The following NAALADL2 variants were observed in gnomAD, a reference collection of about 807,000 sequenced individuals.
NAALADL2 encodes the protein N-acetylated alpha-linked acidic dipeptidase like 2, also known as inactive N-acetylated-alpha-linked acidic dipeptidase-like protein 2.
NAALADL2 carries 76 observed loss-of-function variants against 87.2 expected under a neutral mutation model. That is an observed-to-expected ratio of 0.87 (90% CI 0.72 to 1.05). NAALADL2 has a LOEUF of 1.05. NAALADL2 is among the 50% of genes least tolerant of loss of function. The probability of loss-of-function intolerance (pLI) is 0.00; values close to 1 mark genes in which losing one functional copy is unlikely to be tolerated. For synonymous variants in NAALADL2, 354 were observed against 331.0 expected (o/e 1.07, Z -0.75); for missense variants, 1,089 against 945.8 (o/e 1.15, Z -1.99).
At chr3:175,044,342 TTC>T (rs1005918380) in intron 1 of NAALADL2, among the ~76,000 whole-genome samples, 1 of 152,130 alleles carries the variant, frequency 6.6e-6, no homozygotes. Flanking sequence ...TTGAAATCAT[TTC>T]TCTCTCTCAT....
chr3:174,785,088 G>A (rs533260570), intron 3 of NAALADL2, among the ~76,000 whole-genome samples: 4 of 152,052 alleles, frequency 2.6e-5, no homozygotes, highest in Admixed American at 6.6e-5. Context: ...GGTATATTGC[G>A]TGATGCTGAG....
intron 3 of NAALADL2, among the ~76,000 whole-genome samples, chr3:174,767,649 A>G (rs577839926): frequency 6.6e-6 from 1 of 152,316 alleles, no homozygotes; most frequent in East Asian, 1.9e-4. Flanking sequence ...ATTTACGTAC[A>G]AGAGACAGTG....
intron 2 of NAALADL2, among the ~76,000 whole-genome samples, chr3:175,099,258 G>T (rs1032525301): frequency 6.6e-6 from 1 of 152,100 alleles, no homozygotes; most frequent in African/African-American, 2.4e-5. Flanking sequence ...GAAGCTGCAT[G>T]ATGGTAAGGA....
rs71300440 is a variant in NAALADL2, at chr3:174,787,576, CATATATATATATATATATAT to C, written c.-9+49856_-9+49875del. Among the ~76,000 whole-genome samples, 22 of 14,732 alleles carry C rather than the reference CATATATATATATATATATAT, an allele frequency of 1.5e-3. 2 individuals are homozygous for C. The highest frequency in any genetic ancestry group is 5.6e-3 in the South Asian group (2 of 358). 9.7% of individuals were successfully genotyped at this position (14,732 alleles called of 152,430 possible). A position where few individuals can be genotyped will look rare whatever the true frequency, so the allele number is the denominator to read the frequency against. On this transcript the variant is annotated intron_variant, in intron 3 of 3. Transcript: ENST00000434257. ...TTAATAGAAGAAGGCAATATATCATCATATATATATATATATATATATATATATATATATATATATATATA... is the reference window on the plus strand; with the variant it reads ...TTAATAGAAGAAGGCAATATATCATCATATATATATATATATATATATATA...
intron 10 of NAALADL2, among the ~76,000 whole-genome samples, chr3:175,606,728 A>T (rs1160628608): frequency 6.6e-6 from 1 of 152,116 alleles, no homozygotes; most frequent in Non-Finnish European, 1.5e-5. Flanking sequence ...TGAGGCAAAC[A>T]GAAGAGTGTA....
intron 1 of NAALADL2, among the ~76,000 whole-genome samples, chr3:174,905,087 A>C (rs1427154587): frequency 6.6e-6 from 1 of 151,846 alleles, no homozygotes; most frequent in African/African-American, 2.4e-5. Context: ...AAATTTTTAT[A>C]TATTTAAAAA....
chr3:174,634,237 T>G (rs752195138), intron 2 of NAALADL2, among the ~76,000 whole-genome samples: 5 of 152,178 alleles, frequency 3.3e-5, no homozygotes, highest in Non-Finnish European at 7.4e-5. Flanking sequence ...TTCCTTTGAC[T>G]TTTAAAAAAT....
rs1433742601 is a variant in NAALADL2 at position 175,405,463 on chromosome 3, G to A, written c.1091-41766G>A. 4.0e-5 allele frequency among the ~76,000 whole-genome samples: 6 copies of A among 151,614 alleles called. No homozygotes were observed. In the East Asian group the frequency reaches 1.2e-3, roughly 29 times the overall value. On this transcript the variant is annotated intron_variant, in intron 5 of 13. Coordinates refer to ENST00000454872, the MANE Select transcript of NAALADL2 (RefSeq NM_207015.3). Reference sequence around the variant, plus strand: ...TTTAATGTTACTGAGATGAACTTAAGGTTTATATACGATAATTTTTTTTCA... The same window carrying A: ...TTTAATGTTACTGAGATGAACTTAAAGTTTATATACGATAATTTTTTTTCA...
intron 8 of NAALADL2, among the ~76,000 whole-genome samples, chr3:175,470,566 A>C (rs764028810): frequency 1.3e-5 from 2 of 152,130 alleles, no homozygotes; most frequent in Non-Finnish European, 2.9e-5. Context: ...GTAGTCTTCC[A>C]TTTCATAGTA....
chr3:175,496,553 T>G (rs1464750775), intron 9 of NAALADL2, among the ~76,000 whole-genome samples: 3 of 152,108 alleles, frequency 2.0e-5, no homozygotes, highest in Non-Finnish European at 4.4e-5. Flanking sequence ...ACTATTTTGT[T>G]GTGGTGGTGG....
chr3:175,029,887 C>T (rs914402506), intron 1 of NAALADL2, among the ~76,000 whole-genome samples: 5 of 152,070 alleles, frequency 3.3e-5, no homozygotes, highest in East Asian at 1.9e-4. Flanking sequence ...CCAATAGGTG[C>T]TTTAAATACT....
intron 1 of NAALADL2, among the ~76,000 whole-genome samples, chr3:174,865,417 CTTTG>C (rs1263502726): frequency 2.0e-5 from 3 of 151,878 alleles, no homozygotes; most frequent in Admixed American, 2.0e-4. Flanking sequence ...CTCTTGATTC[CTTTG>C]TTCTCTCAAA....
intron 5 of NAALADL2, among the ~76,000 whole-genome samples, chr3:175,343,994 G>A (rs994908890): frequency 6.6e-6 from 1 of 151,958 alleles, no homozygotes; most frequent in Non-Finnish European, 1.5e-5. Flanking sequence ...ATTTCATTCT[G>A]AAGTAAGTCC....
At chr3:174,931,103 C>A (rs904229069) in intron 1 of NAALADL2, among the ~76,000 whole-genome samples, 1 of 152,100 alleles carries the variant, frequency 6.6e-6, no homozygotes, top group African/African-American at 2.4e-5. Flanking sequence ...TTCTACTAAA[C>A]AAGTATTTCG....
At chr3:174,772,541 G>T (rs1291432017) in intron 3 of NAALADL2, among the ~76,000 whole-genome samples, 1 of 152,098 alleles carries the variant, frequency 6.6e-6, no homozygotes, top group Non-Finnish European at 1.5e-5. Context: ...AATAAAATAA[G>T]CAGTTTTGAT....
intron 1 of NAALADL2, among the ~76,000 whole-genome samples, chr3:174,490,559 T>C (rs73881174): frequency 0.014 from 2,084 of 152,252 alleles, 46 homozygotes; most frequent in African/African-American, 0.048. Context: ...GAATTAGATC[T>C]CAATAAAGAT....
At chr3:174,727,017 G>T (rs1732262383) in intron 2 of NAALADL2, among the ~76,000 whole-genome samples, 1 of 152,000 alleles carries the variant, frequency 6.6e-6, no homozygotes, top group African/African-American at 2.4e-5. Context: ...TTGGGTGTCA[G>T]ATATTGCCTT....
chr3:174,706,562 A>G (rs1260633389), intron 2 of NAALADL2, among the ~76,000 whole-genome samples: 1 of 152,184 alleles, frequency 6.6e-6, no homozygotes, highest in Non-Finnish European at 1.5e-5. Flanking sequence ...CTAGATTGCA[A>G]AAATTTTCTC....
chr3:175,269,234 T>C (rs1157948238), intron 4 of NAALADL2, among the ~76,000 whole-genome samples: 1 of 152,038 alleles, frequency 6.6e-6, no homozygotes, highest in Non-Finnish European at 1.5e-5. Context: ...CCACAGCACC[T>C]GACCAAAATT....
Sources: allele counts gnomAD v4.1 joint callset (sites outside exome capture counted in the v4.1 genomes callset), GRCh38; gene constraint gnomAD v4.1.1; transcripts MANE v1.5; gene names NCBI Gene and HGNC (gene_info 2026-07-23, HGNC 2026-07-21).